The following CD3G variants were observed in gnomAD, a reference collection of about 807,000 sequenced individuals.
CD3G encodes the protein T-cell surface glycoprotein CD3 gamma chain.
In CD3G, 24 loss-of-function variants were observed where a neutral mutation model predicts 28.3. That is an observed-to-expected ratio of 0.85 (90% CI 0.61 to 1.19). CD3G has a LOEUF of 1.19. Ranked by LOEUF, CD3G falls within the 50% of genes most tolerant of loss-of-function variation. The pLI, the probability that CD3G is intolerant of heterozygous loss-of-function variation, is 0.00. For synonymous variants in CD3G, 71 were observed against 75.9 expected, an observed-to-expected ratio of 0.93 and a Z score of 0.34; for missense variants, 211 against 210.0, an observed-to-expected ratio of 1.00 and a Z score of -0.03.
At chr11:118,350,818 C>G (rs954660536) in intron 4 of CD3G, 135 bp downstream of exon 4, 23 of 1,521,584 alleles carry the variant, frequency 1.5e-5, no homozygotes, top group Non-Finnish European at 1.9e-5. Flanking sequence ...CTGTATTTCT[C>G]TGAGACAGGA....
rs867432113 is a variant in CD3G at position 118,344,432 on chromosome 11, G to A, written c.9G>A (p.Gln3=). ME[Q]GKGLAVLILA... The stretch of plus-strand genomic sequence containing the variant: ...GGAGGACAGAGACTGACATGGAACA[G>A]GGGAAGGGCCTGGCTGTCCTCATCC... The change falls in exon 1 of 7, where the codon CAG becomes CAA. Residue 3 remains glutamine, a synonymous_variant. Transcript: ENST00000532917. The A allele has an allele frequency of 3.2e-6, 5 of 1,571,268 alleles. 1 individual carries two copies. The South Asian group carries it at 5.9e-5, about 18-fold the overall frequency.
Position 118,351,784 on chromosome 11 carries a change from A to G in CD3G, c.483+113A>G, listed in dbSNP as rs974320961. On this transcript the variant is annotated intron_variant, in intron 5 of 6. Coordinates refer to ENST00000532917, the MANE Select transcript of CD3G (RefSeq NM_000073.3). ...ATACAGGTAAGAAACTGCTAACAGC[A>G]TACCAGATGATGAGATCAGTTTGGG... is the stretch of plus-strand genomic sequence containing the variant. 103 of 899,470 alleles carry G rather than the reference A, an allele frequency of 1.1e-4. 2 individuals are homozygous for G. In the Admixed American group the frequency reaches 1.6e-3, roughly 14 times the overall value. The allele number at this position is 899,470 out of a possible 1,614,324, so 55.7% of individuals were successfully genotyped here.
chr11:118,354,689 G>A lies in CD3G; in HGVS notation c.*1589G>A, dbSNP rs999752115. On this transcript the variant is annotated 3_prime_UTR_variant, in exon 7 of 7. Transcript: ENST00000532917. Reference sequence around the variant, plus strand: ...GGATTTAATATGGTATTTTATTATGGCCTTAATTTGCATTTCCCTAGATAC... The same window carrying A: ...GGATTTAATATGGTATTTTATTATGACCTTAATTTGCATTTCCCTAGATAC... 6.6e-6 allele frequency: 1 copy of A among 151,818 alleles called. No homozygotes were observed. The allele number at this position is 151,818 out of a possible 1,614,324, so 9.4% of individuals were successfully genotyped here. A position where few individuals can be genotyped will look rare whatever the true frequency, so the allele number is the denominator to read the frequency against.
At chr11:118,352,249 AAGAC>A (rs1314059721) in intron 5 of CD3G, among the ~76,000 whole-genome samples, 151 bp from the exon 6 acceptor site, 1 of 151,948 alleles carries the variant, frequency 6.6e-6, no homozygotes. Flanking sequence ...AAAAAGAAAA[AAGAC>A]AGAGCCTCCA....
chr11:118,352,521 C>G (rs745517799), intron 6 of CD3G, 34 bp downstream of exon 6: 8 of 1,428,034 alleles, frequency 5.6e-6, no homozygotes, highest in Admixed American at 3.3e-5. Flanking sequence ...AATAAAGGAC[C>G]CTTGCATCAA....
rs773255484 is a variant in CD3G at position 118,354,145 on chromosome 11, T to G, written c.*1045T>G. 6.6e-6 allele frequency: 1 copy of G among 152,152 alleles called. No homozygotes were observed. Among genetic ancestry groups the G allele is most frequent in the Non-Finnish European group, 1.5e-5 (1 of 68,026 alleles). 9.4% of individuals were successfully genotyped at this position (152,152 alleles called of 1,614,324 possible). ...ATTGTATAAATATCATTTTTAAAAA[T>G]AATTGCATTGAAGCATAATGTACAT... On this transcript the variant is annotated 3_prime_UTR_variant, in exon 7 of 7. Coordinates refer to ENST00000532917, the MANE Select transcript of CD3G (RefSeq NM_000073.3).
chr11:118,352,492 G>T lies in CD3G; in HGVS notation c.*18+5G>T. 2 of 1,589,666 alleles carry T rather than the reference G, an allele frequency of 1.3e-6. No homozygotes were observed. The highest frequency in any genetic ancestry group is 8.6e-7 in the Non-Finnish European group (1 of 1,158,352). ...TGAACTCAGGACTCAGAGTAGGTGG[G>T]TTCTTCAATGCCAATTCTAATAAAG... On this transcript the variant is annotated splice_donor_5th_base_variant and intron_variant, in intron 6 of 6. Transcript: ENST00000532917.
intron 5 of CD3G, 34 bp from the exon 6 acceptor site, chr11:118,352,369 GA>G: frequency 6.3e-7 from 1 of 1,579,140 alleles, no homozygotes. Context: ...ATAGAGGATG[GA>G]AAAAATGACT....
intron 1 of CD3G, among the ~76,000 whole-genome samples, chr11:118,348,630 C>T (rs780470213): frequency 3.3e-5 from 5 of 152,146 alleles, no homozygotes; most frequent in Admixed American, 6.5e-5. Flanking sequence ...TCTCTAGGAT[C>T]CCTTCCTGGG....
rs71041832 is a variant in CD3G, at chr11:118,354,304, C to CTTTTTTTTTTTTTTTTTTT, written c.*1220_*1221insTTTTTTTTTTTTTTTTTTT. 22 of 124,090 alleles carry CTTTTTTTTTTTTTTTTTTT rather than the reference C, an allele frequency of 1.8e-4. No individual in the cohort carries two copies. Among genetic ancestry groups the CTTTTTTTTTTTTTTTTTTT allele is most frequent in the Non-Finnish European group, 3.2e-4 (19 of 59,890 alleles). 7.7% of individuals were successfully genotyped at this position (124,090 alleles called of 1,614,324 possible). A position where few individuals can be genotyped will look rare whatever the true frequency, so the allele number is the denominator to read the frequency against. On this transcript the variant is annotated 3_prime_UTR_variant, in exon 7 of 7. Transcript: ENST00000532917. ...TTTTTTCTTTTCTTTTCTTTTTTTT[C>CTTTTTTTTTTTTTTTTTTT]TTTTTTTTTTTTTTTTGAAGTGGAA...
chr11:118,354,872 A>G lies in CD3G; in HGVS notation c.*1772A>G, dbSNP rs751099300. ...TTGATATAAGTCCTTTATCAGATATATGATTTGGAAATATTTTCTACCAAT... is the reference window on the plus strand; with the variant it reads ...TTGATATAAGTCCTTTATCAGATATGTGATTTGGAAATATTTTCTACCAAT... On this transcript the variant is annotated 3_prime_UTR_variant, in exon 7 of 7. Coordinates refer to ENST00000532917, the MANE Select transcript of CD3G (RefSeq NM_000073.3). 5 of 152,160 alleles carry G rather than the reference A, an allele frequency of 3.3e-5. No homozygotes were observed. Among genetic ancestry groups the G allele is most frequent in the Non-Finnish European group, 5.9e-5 (4 of 68,018 alleles). The allele number at this position is 152,160 out of a possible 1,614,324, so 9.4% of individuals were successfully genotyped here.
At chr11:118,350,907 A>C in intron 4 of CD3G, 2 of 1,286,028 alleles carry the variant, frequency 1.6e-6, no homozygotes, top group Non-Finnish European at 9.9e-7. Context: ...AAAAAAACAA[A>C]AACAGGCGCA....
intron 4 of CD3G, chr11:118,350,888 T>TTA: frequency 1.5e-4 from 103 of 684,234 alleles, no homozygotes; most frequent in Middle Eastern, 6.6e-4. Context: ...GCTCCCTCTG[T>TTA]GAAAAAAAAA....
chr11:118,350,979 G>A, intron 4 of CD3G: 2 of 703,728 alleles, frequency 2.8e-6, no homozygotes, highest in Non-Finnish European at 3.9e-6. Context: ...ACGAGGTCAG[G>A]AGATCGAGAC....
At chr11:118,346,325 T>G (rs1368255316) in intron 1 of CD3G, among the ~76,000 whole-genome samples, 1 of 152,048 alleles carries the variant, frequency 6.6e-6, no homozygotes, top group Non-Finnish European at 1.5e-5. Flanking sequence ...TAATCCCAGC[T>G]ACTCAGGAGG....
intron 1 of CD3G, among the ~76,000 whole-genome samples, chr11:118,347,626 C>T (rs769117440): frequency 5.9e-5 from 9 of 151,990 alleles, no homozygotes; most frequent in Non-Finnish European, 1.3e-4. Flanking sequence ...TTTTGTTTGT[C>T]TGTTTGTTTG....
chr11:118,349,789 A>C lies in CD3G; in HGVS notation c.126A>C (p.Val42=). Residue 42 remains valine (V), a synonymous_variant, in exon 3 of 7, where the codon GTA becomes GTC. Transcript: ENST00000532917. ...KVYDYQEDGS[V]LLTCDAEAKN... is the part of the protein sequence containing the mutation. ...ATGACTATCAAGAAGATGGTTCGGT[A>C]CTTCTGACTTGTGATGCAGAAGCCA... The C allele has an allele frequency of 6.2e-7, 1 of 1,614,136 alleles. No individual in the cohort carries two copies. Among genetic ancestry groups the C allele is most frequent in the South Asian group, 1.1e-5 (1 of 91,084 alleles).
chr11:118,352,133 T>G (rs145188837), intron 5 of CD3G, among the ~76,000 whole-genome samples: 2 of 151,918 alleles, frequency 1.3e-5, no homozygotes, highest in African/African-American at 4.8e-5. Context: ...GGAGGACCAC[T>G]TGAACCCAGG....
At chr11:118,351,391 G>T (rs750536035) in intron 4 of CD3G, among the ~76,000 whole-genome samples, 5 of 152,076 alleles carry the variant, frequency 3.3e-5, no homozygotes, top group East Asian at 1.9e-4. Flanking sequence ...AGTGAGCATT[G>T]TCCTGACTTC....
Sources: gnomAD v4.1 joint callset for allele counts (sites outside exome capture counted in the v4.1 genomes callset) on GRCh38, gnomAD v4.1.1 for gene constraint, MANE v1.5 for transcripts, NCBI Gene and HGNC (gene_info 2026-07-23, HGNC 2026-07-21) for gene names.